MRPL15: variants seen among roughly 807,000 people sequenced by gnomAD.
The protein encoded by MRPL15 is mitochondrial ribosomal protein L15.
In MRPL15, 24 loss-of-function variants were observed where a neutral mutation model predicts 28.0. The observed-to-expected ratio is 0.86, with a 90% CI of 0.62 to 1.21. The LOEUF is 1.21. MRPL15 is among the 50% of genes most tolerant of loss of function. The pLI is 0.00. For synonymous variants in MRPL15, 124 were observed against 137.0 expected (o/e 0.90, Z 0.66); for missense variants, 343 against 372.4 (o/e 0.92, Z 0.65).
Position 54,135,389 on chromosome 8 carries a change from C to G in MRPL15, c.106C>G (p.Pro36Ala). ...NLKPNPGSKK[P>A]ERRPRGRRRG... ...AAAGCCGAATCCCGGCTCCAAGAAA[C>G]CGGTAAATGGGTGGTGGCGGTGCGG... is the stretch of plus-strand genomic sequence containing the variant. Residue 36 changes from proline to alanine, a missense_variant and splice_region_variant, in exon 1 of 5, where the codon CCG becomes GCG. By Grantham distance (27) the Pro-to-Ala change is conservative. Coordinates refer to ENST00000260102, the MANE Select transcript of MRPL15 (RefSeq NM_014175.4). 1 of 1,528,104 alleles carries G rather than the reference C, an allele frequency of 6.5e-7. No homozygotes were observed. The highest frequency in any genetic ancestry group is 8.8e-7 in the Non-Finnish European group (1 of 1,135,228). 94.7% of individuals were successfully genotyped at this position (1,528,104 alleles called of 1,614,324 possible).
intron 3 of MRPL15, among the ~76,000 whole-genome samples, chr8:54,139,664 GAC>G (rs1296667372): frequency 6.6e-6 from 1 of 152,146 alleles, no homozygotes; most frequent in Non-Finnish European, 1.5e-5. Context: ...TAATTGCAAT[GAC>G]ACATTATTTA....
chr8:54,147,350 A>C lies in MRPL15; in HGVS notation c.554-32A>C, dbSNP rs751379152. 6 of 1,506,666 alleles carry C rather than the reference A, an allele frequency of 4.0e-6. No individual in the cohort carries two copies. In the South Asian group the frequency reaches 6.1e-5, roughly 15 times the overall value. The allele number at this position is 1,506,666 out of a possible 1,614,324, so 93.3% of individuals were successfully genotyped here. ...GGTATGTCTATGAGCTAATATTTGC[A>C]TCTCACTTTTTAAATTTAAATTTTC... is the stretch of plus-strand genomic sequence containing the variant. On this transcript the variant is annotated intron_variant, in intron 4 of 4. Transcript: ENST00000260102.
Position 54,135,377 on chromosome 8 carries a change from G to T in MRPL15, c.94G>T (p.Gly32Cys). The T allele has an allele frequency of 6.5e-7, 1 of 1,528,498 alleles. No homozygotes were observed. Among genetic ancestry groups the T allele is most frequent in the South Asian group, 1.2e-5 (1 of 82,850 alleles). 94.7% of individuals were successfully genotyped at this position (1,528,498 alleles called of 1,614,324 possible). Residue 32 changes from glycine to cysteine, a missense_variant, in exon 1 of 5, where the codon GGC becomes TGC. By Grantham distance (159) the Gly-to-Cys change is radical. Coordinates refer to ENST00000260102, the MANE Select transcript of MRPL15 (RefSeq NM_014175.4). ...VSLANLKPNP[G>C]SKKPERRPRG... ...CCTGGCCAACTTAAAGCCGAATCCC[G>T]GCTCCAAGAAACCGGTAAATGGGTG...
Position 54,147,425 on chromosome 8 carries a change from C to A in MRPL15, c.597C>A (p.Pro199=), listed in dbSNP as rs1001804762. Residue 199 remains proline, a synonymous_variant, in exon 5 of 5, where the codon CCC becomes CCA. Coordinates refer to ENST00000260102, the MANE Select transcript of MRPL15 (RefSeq NM_014175.4). ...KPVPFFLRGQ[P]IPKRMLPPEE... Reference sequence around the variant, plus strand: ...TTCCATTCTTTCTTCGTGGACAACCCATTCCAAAAAGAATGCTTCCACCAG... The same window carrying A: ...TTCCATTCTTTCTTCGTGGACAACCAATTCCAAAAAGAATGCTTCCACCAG... 2 of 1,613,746 alleles carry A rather than the reference C, an allele frequency of 1.2e-6. No individual in the cohort carries two copies. Among genetic ancestry groups the A allele is most frequent in the South Asian group, 2.2e-5 (2 of 91,044 alleles).
intron 3 of MRPL15, among the ~76,000 whole-genome samples, chr8:54,139,817 T>C (rs1309623908): frequency 6.6e-6 from 1 of 152,150 alleles, no homozygotes; most frequent in African/African-American, 2.4e-5. Context: ...AAACCTGATA[T>C]AAAGATAGTC....
At chr8:54,146,167 C>T (rs901788138) in intron 4 of MRPL15, among the ~76,000 whole-genome samples, 6 of 152,208 alleles carry the variant, frequency 3.9e-5, no homozygotes, top group South Asian at 2.1e-4. Context: ...CTTTCCTGGC[C>T]GGGCGCAGTG....
intron 1 of MRPL15, 143 bp downstream of exon 1, chr8:54,135,534 C>T: frequency 2.0e-6 from 1 of 502,102 alleles, no homozygotes; most frequent in Non-Finnish European, 3.4e-6. Flanking sequence ...TTCTCCCTTA[C>T]TGCCCAGAGG....
At chr8:54,142,557 T>C in intron 3 of MRPL15, 106 bp from the exon 4 acceptor site, 2 of 1,339,250 alleles carry the variant, frequency 1.5e-6, no homozygotes, top group Non-Finnish European at 2.0e-6. Context: ...TATTGTTATG[T>C]TATAGGCACT....
In MRPL15 at chr8:54,138,301, C is replaced by CTTTTT. The variant is rs71254537; in HGVS notation, c.429+892_429+896dup. Among the ~76,000 whole-genome samples, 959 of 57,004 alleles carry CTTTTT rather than the reference C, an allele frequency of 0.017. 172 individuals carry two copies. The East Asian group carries it at 0.23, about 14-fold the overall frequency. The allele number at this position is 57,004 out of a possible 152,430, so 37.4% of individuals were successfully genotyped here. On this transcript the variant is annotated intron_variant, in intron 3 of 4. Transcript: ENST00000260102. ...TTGAATGTCAACATATCAGGAAGAT[C>CTTTTT]TTTTTTTTTTTTTTTTTTTTTTTTT...
chr8:54,136,944 C>A (rs1810836385), intron 2 of MRPL15, among the ~76,000 whole-genome samples: 1 of 152,158 alleles, frequency 6.6e-6, no homozygotes, highest in African/African-American at 2.4e-5. Context: ...ACATAAAAAT[C>A]TGGCCCACTG....
Position 54,147,595 on chromosome 8 carries a change from T to C in MRPL15, c.767T>C (p.Leu256Pro). 1 of 1,614,166 alleles carries C rather than the reference T, an allele frequency of 6.2e-7. No homozygotes were observed. The highest frequency in any genetic ancestry group is 8.5e-7 in the Non-Finnish European group (1 of 1,180,036). ...ACTAAAGATGAACTCTTCAAAATGC[T>C]CTGTACTAGGAAGGATCCAAGGCAG... The part of the protein sequence containing the change: ...DITKDELFKM[L>P]CTRKDPRQIF... The change falls in exon 5 of 5, where the codon CTC (leucine) becomes CCC (proline). Residue 256 changes from leucine to proline, a missense_variant. By Grantham distance (98) the Leu-to-Pro change is moderately conservative. Coordinates refer to ENST00000260102, the MANE Select transcript of MRPL15 (RefSeq NM_014175.4).
intron 4 of MRPL15, among the ~76,000 whole-genome samples, chr8:54,143,087 CTT>C (rs563610061): frequency 6.8e-6 from 1 of 147,274 alleles, no homozygotes; most frequent in African/African-American, 2.5e-5. Flanking sequence ...TCTTTTCTCT[CTT>C]TTTTTTTTTA....
chr8:54,143,808 C>A lies in MRPL15; in HGVS notation c.553+1022C>A, dbSNP rs940519652. Among the ~76,000 whole-genome samples the A allele has an allele frequency of 3.9e-5, 6 of 152,208 alleles. 1 individual carries two copies. The highest frequency in any genetic ancestry group is 3.9e-4 in the Admixed American group (6 of 15,282). On this transcript the variant is annotated intron_variant, in intron 4 of 4. Transcript: ENST00000260102. ...ACTGGCCACCGGGTTTGGCCTTCCT[C>A]CATACACCGAGCCCTGTGTACTGTG...
At chr8:54,135,436 G>T in intron 1 of MRPL15, 45 bp downstream of exon 1, 1 of 1,476,808 alleles carries the variant, frequency 6.8e-7, no homozygotes, top group South Asian at 1.3e-5. Flanking sequence ...GGACCCGGGC[G>T]ATGAAAGCGG....
chr8:54,142,812 T>C, intron 4 of MRPL15, 26 bp downstream of exon 4: 1 of 1,610,102 alleles, frequency 6.2e-7, no homozygotes, highest in Non-Finnish European at 8.5e-7. Context: ...GGTCATTTTC[T>C]TCTTTCTCTC....
intron 4 of MRPL15, among the ~76,000 whole-genome samples, chr8:54,144,805 A>G (rs915814431): frequency 6.6e-5 from 10 of 152,146 alleles, no homozygotes; most frequent in African/African-American, 2.2e-4. Context: ...ATTTGCCAAC[A>G]TGATGATTCC....
chr8:54,135,897 A>G (rs985700881), intron 1 of MRPL15, among the ~76,000 whole-genome samples: 2 of 152,236 alleles, frequency 1.3e-5, no homozygotes, highest in African/African-American at 4.8e-5. Context: ...CTGAAACTAC[A>G]AAGTCTTTGT....
chr8:54,147,278 A>G, intron 4 of MRPL15, 104 bp from the exon 5 acceptor site: 3 of 811,488 alleles, frequency 3.7e-6, no homozygotes, highest in Non-Finnish European at 5.5e-6. Context: ...ACTCTGTAAC[A>G]TCTCTATGGT....
chr8:54,140,107 G>C (rs1810893690), intron 3 of MRPL15, among the ~76,000 whole-genome samples: 1 of 152,180 alleles, frequency 6.6e-6, no homozygotes, highest in South Asian at 2.1e-4. Flanking sequence ...TCAGCTTCAT[G>C]AAAGCTTTCT....
Sources: gnomAD v4.1 joint callset for allele counts (sites outside exome capture counted in the v4.1 genomes callset) on GRCh38, gnomAD v4.1.1 for gene constraint, MANE v1.5 for transcripts, NCBI Gene and HGNC (gene_info 2026-07-23, HGNC 2026-07-21) for gene names.